Variants in AGMO observed in about 807,000 individuals in gnomAD.
The protein encoded by AGMO is glyceryl-ether monooxygenase.
In AGMO, 75 loss-of-function variants were observed where a neutral mutation model predicts 60.2. The ratio of observed to expected loss-of-function variants is 1.25; its 90% CI spans 1.03 to 1.51. The LOEUF (loss-of-function observed/expected upper bound fraction) is 1.51. Ranked by LOEUF, AGMO falls within the 40% of genes most tolerant of loss-of-function variation. The pLI is 0.00. For missense variants in AGMO, 763 were observed against 525.5 expected (o/e 1.45, Z -4.42); for synonymous variants, 261 against 177.1 (o/e 1.47, Z -3.76).
intron 5 of AGMO, 83 bp from the exon 6 acceptor site, chr7:15,394,262 C>A: frequency 9.3e-7 from 1 of 1,069,892 alleles, no homozygotes; most frequent in Non-Finnish European, 1.4e-6. Context: ...TAGAAACTCA[C>A]ATAAATTAAG....
In AGMO at chr7:15,218,928, T is replaced by A. The variant is rs2090063015; in HGVS notation, c.1264-17569A>T. Among the ~76,000 whole-genome samples, 2 of 152,130 alleles carry A rather than the reference T, an allele frequency of 1.3e-5. 1 individual carries two copies. The highest frequency in any genetic ancestry group is 4.1e-4 in the South Asian group (2 of 4,828). On this transcript the variant is annotated intron_variant, in intron 12 of 12. Transcript: ENST00000342526. ...TCAGTGCTAGACTGAATAAGGTGAA[T>A]CTTATTCAATGACTTTGAAGGATAA...
At chr7:15,551,322 A>G (rs1181152506) in intron 2 of AGMO, among the ~76,000 whole-genome samples, 1 of 151,336 alleles carries the variant, frequency 6.6e-6, no homozygotes, top group Non-Finnish European at 1.5e-5. Flanking sequence ...GGCCAGGGCA[A>G]TTAGGCAGGA....
chr7:15,297,226 A>C (rs1323607399), intron 12 of AGMO, among the ~76,000 whole-genome samples: 6 of 152,196 alleles, frequency 3.9e-5, no homozygotes, highest in African/African-American at 1.4e-4. Context: ...AATCCCCCGA[A>C]TCTACCATCA....
At chr7:15,280,389 A>G (rs868716933) in intron 12 of AGMO, among the ~76,000 whole-genome samples, 11 of 152,250 alleles carry the variant, frequency 7.2e-5, no homozygotes, top group Middle Eastern at 6.8e-3. Flanking sequence ...GCCCTGGAAC[A>G]TGACCCCAGT....
At chr7:15,272,183 GGTTT>G (rs1231247556) in intron 12 of AGMO, among the ~76,000 whole-genome samples, 3 of 151,572 alleles carry the variant, frequency 2.0e-5, no homozygotes, top group Non-Finnish European at 4.4e-5. Context: ...TGCACAACGT[GGTTT>G]GTTACATATG....
At chr7:15,396,222 G>A (rs1430522024) in intron 5 of AGMO, 2 of 152,478 alleles carry the variant, frequency 1.3e-5, no homozygotes, top group African/African-American at 2.4e-5. Flanking sequence ...CTTCAAGAAA[G>A]AAGCCCCACG....
intron 5 of AGMO, among the ~76,000 whole-genome samples, chr7:15,401,000 A>G (rs1784538810): frequency 1.3e-5 from 2 of 152,116 alleles, no homozygotes; most frequent in African/African-American, 4.8e-5. Flanking sequence ...TGAAACTCCC[A>G]TTGTATCTAG....
At chr7:15,503,093 G>C (rs565464875) in intron 3 of AGMO, among the ~76,000 whole-genome samples, 1 of 152,060 alleles carries the variant, frequency 6.6e-6, no homozygotes, top group African/African-American at 2.4e-5. Flanking sequence ...ACCACTTTAA[G>C]TCATTCATTC....
At chr7:15,354,381 CACGTGTGTGT>C (rs1341474715) in intron 12 of AGMO, among the ~76,000 whole-genome samples, 3 of 14,358 alleles carry the variant, frequency 2.1e-4, no homozygotes, top group African/African-American at 8.2e-4. Context: ...CGTGTGTATA[CACGTGTGTGT>C]ATACACGTGT....
chr7:15,505,804 A>G (rs1010532051), intron 3 of AGMO, among the ~76,000 whole-genome samples: 5 of 152,072 alleles, frequency 3.3e-5, no homozygotes, highest in African/African-American at 7.2e-5. Flanking sequence ...AGAGTCTAAG[A>G]AATCCAAATA....
chr7:15,317,896 T>C (rs374729899), intron 12 of AGMO, among the ~76,000 whole-genome samples: 6 of 147,362 alleles, frequency 4.1e-5, no homozygotes, highest in South Asian at 2.1e-4. Context: ...CGTATATATA[T>C]ACACACACAC....
chr7:15,310,164 A>C (rs1327614063), intron 12 of AGMO, among the ~76,000 whole-genome samples: 1 of 152,168 alleles, frequency 6.6e-6, no homozygotes, highest in Non-Finnish European at 1.5e-5. Context: ...AAATAGATCA[A>C]GTTTGGTTTT....
intron 12 of AGMO, among the ~76,000 whole-genome samples, chr7:15,363,323 A>G (rs1006528423): frequency 1.3e-5 from 2 of 152,168 alleles, no homozygotes; most frequent in African/African-American, 2.4e-5. Context: ...ATGATCCTTA[A>G]GTTCATATAA....
intron 12 of AGMO, among the ~76,000 whole-genome samples, chr7:15,359,211 C>T (rs1299786092): frequency 1.3e-5 from 2 of 151,016 alleles, no homozygotes; most frequent in African/African-American, 2.4e-5. Flanking sequence ...AATGCATGAA[C>T]CCAGGAGGTG....
intron 3 of AGMO, among the ~76,000 whole-genome samples, chr7:15,510,288 C>G (rs1783635008): frequency 6.6e-6 from 1 of 152,024 alleles, no homozygotes; most frequent in African/African-American, 2.4e-5. Flanking sequence ...ACTTCTGCCT[C>G]CCTAGTAGCT....
At chr7:15,345,064 C>A (rs1417084293) in intron 12 of AGMO, among the ~76,000 whole-genome samples, 2 of 152,088 alleles carry the variant, frequency 1.3e-5, no homozygotes, top group Non-Finnish European at 2.9e-5. Context: ...AATAGGTTTT[C>A]CTGTATTATA....
At chr7:15,559,145 A>G (rs888599990) in intron 2 of AGMO, among the ~76,000 whole-genome samples, 1 of 152,108 alleles carries the variant, frequency 6.6e-6, no homozygotes, top group Admixed American at 6.6e-5. Context: ...TTGAGTCCCA[A>G]TATCATCTAA....
chr7:15,492,009 A>G (rs1057430382), intron 3 of AGMO, among the ~76,000 whole-genome samples: 7 of 152,240 alleles, frequency 4.6e-5, no homozygotes, highest in Non-Finnish European at 1.0e-4. Context: ...AGTGAAAGCC[A>G]GGCTCTTTCC....
intron 5 of AGMO, among the ~76,000 whole-genome samples, chr7:15,398,053 A>G (rs945418844): frequency 5.3e-5 from 8 of 152,222 alleles, no homozygotes; most frequent in Admixed American, 4.6e-4. Flanking sequence ...ACAGAGAACC[A>G]GATGGGAAAG....
Sources: gnomAD v4.1 joint callset for allele counts (sites outside exome capture counted in the v4.1 genomes callset) on GRCh38, gnomAD v4.1.1 for gene constraint, MANE v1.5 for transcripts, NCBI Gene and HGNC (gene_info 2026-07-23, HGNC 2026-07-21) for gene names.